The following TPH2 variants were observed in gnomAD, a reference collection of about 807,000 sequenced individuals.
TPH2 encodes tryptophan 5-hydroxylase 2.
A neutral mutation model predicts 59.1 loss-of-function variants in TPH2; 27 were observed. That is an observed-to-expected ratio of 0.46 (90% CI 0.34 to 0.63). The LOEUF (loss-of-function observed/expected upper bound fraction) is 0.63, where lower values mean the gene tolerates loss of function less well. Ranked by LOEUF, TPH2 falls within the 30% of genes least tolerant of loss-of-function variation. The probability of loss-of-function intolerance (pLI) is 0.01; values close to 1 mark genes in which losing one functional copy is unlikely to be tolerated. For missense variants in TPH2, 523 were observed against 588.3 expected (o/e 0.89, Z 1.15); for synonymous variants, 220 against 210.5 (o/e 1.05, Z -0.39).
rs980204425 is a variant in TPH2 at position 72,029,385 on chromosome 12, A to G, written c.1165-1873A>G. 2.0e-5 allele frequency among the ~76,000 whole-genome samples: 3 copies of G among 152,208 alleles called. No individual in the cohort carries two copies. The South Asian group carries it at 6.2e-4, about 31-fold the overall frequency. ...ACTGATGGATGAATGGACTGTTAGA[A>G]CAACGTAGTACATTAAATGTAACCA... On this transcript the variant is annotated intron_variant, in intron 9 of 10. Transcript: ENST00000333850.
intron 9 of TPH2, 76 bp from the exon 10 acceptor site, chr12:72,031,182 G>C: frequency 1.3e-6 from 2 of 1,586,946 alleles, no homozygotes; most frequent in East Asian, 2.2e-5. Flanking sequence ...TATCAAATGT[G>C]TTGTAAAAAT....
intron 5 of TPH2, among the ~76,000 whole-genome samples, chr12:71,957,323 A>C (rs1463665075): frequency 6.7e-6 from 1 of 149,256 alleles, no homozygotes; most frequent in East Asian, 2.0e-4. Context: ...AAAATGAGTA[A>C]AGGATTTTTT....
intron 8 of TPH2, among the ~76,000 whole-genome samples, chr12:71,998,647 A>T (rs918284711): frequency 1.3e-5 from 2 of 152,194 alleles, no homozygotes; most frequent in Non-Finnish European, 2.9e-5. Context: ...AGAAACAAAA[A>T]TATTAAGAGC....
At position 71,949,667 on chromosome 12, in the gene TPH2, T is replaced by C. The variant is rs1267768391; in HGVS notation, c.608+12T>C. 4 of 1,606,574 alleles carry C rather than the reference T, an allele frequency of 2.5e-6. No individual in the cohort carries two copies. In the African/African-American group the frequency reaches 5.3e-5, roughly 21 times the overall value. ...ATGGGTTATAAATAGTAAGTACCTG[T>C]ATAACTCTTTCTTGTCACTGGCTAG... is the stretch of plus-strand genomic sequence containing the variant. On this transcript the variant is annotated intron_variant, in intron 5 of 10. Transcript: ENST00000333850.
chr12:72,019,271 C>A (rs1873346760), intron 8 of TPH2, among the ~76,000 whole-genome samples: 1 of 152,198 alleles, frequency 6.6e-6, no homozygotes, highest in Non-Finnish European at 1.5e-5. Context: ...TGTTTCCACT[C>A]ACTTTTGCTC....
intron 8 of TPH2, among the ~76,000 whole-genome samples, chr12:72,007,114 G>A (rs1445914612): frequency 1.3e-5 from 2 of 152,074 alleles, no homozygotes; most frequent in African/African-American, 4.8e-5. Flanking sequence ...TTACAAAATG[G>A]TTTTAGATGG....
At chr12:71,961,416 A>G in intron 5 of TPH2, 1 of 672,296 alleles carries the variant, frequency 1.5e-6, no homozygotes, top group South Asian at 1.9e-5. Flanking sequence ...GAGCTGTAGG[A>G]TAATCACGCT....
intron 5 of TPH2, 87 bp downstream of exon 5, chr12:71,949,742 A>C (rs1470980036): frequency 8.4e-7 from 1 of 1,196,028 alleles, no homozygotes; most frequent in African/African-American, 1.5e-5. Context: ...TCTTCACTTT[A>C]ACTTTTGCAG....
rs150231505 is a variant in TPH2, at chr12:71,952,355, A to G, written c.608+2700A>G. ...CTGGGGCATTCCAGGATCTGGTCCC[A>G]GTTTGGAGGGCTGGGAAGTGCTAAG... is the stretch of plus-strand genomic sequence containing the variant. On this transcript the variant is annotated intron_variant, in intron 5 of 10. Coordinates refer to ENST00000333850, the MANE Select transcript of TPH2 (RefSeq NM_173353.4). Among the ~76,000 whole-genome samples, 134 of 152,260 alleles carry G rather than the reference A, an allele frequency of 8.8e-4. 4 individuals are homozygous for G. In the East Asian group the frequency reaches 0.014, roughly 16 times the overall value.
chr12:71,979,243 G>A (rs1053722917), intron 7 of TPH2, among the ~76,000 whole-genome samples, 156 bp downstream of exon 7: 3 of 152,196 alleles, frequency 2.0e-5, no homozygotes, highest in African/African-American at 7.2e-5. Flanking sequence ...GCTCACTGAA[G>A]GATCAGACTC....
rs749142119 is a variant in TPH2, at chr12:71,972,720, G to C, written c.805+5G>C. 6.2e-7 allele frequency: 1 copy of C among 1,613,034 alleles called. No homozygotes were observed. The highest frequency in any genetic ancestry group is 8.5e-7 in the Non-Finnish European group (1 of 1,179,868). ...ATGTCTCCATGTTTCTGAAAGGTAA[G>C]ATTTCACACAGGCTGTCTCTTATTA... is the stretch of plus-strand genomic sequence containing the variant. On this transcript the variant is annotated splice_donor_5th_base_variant and intron_variant, in intron 6 of 10. Transcript: ENST00000333850.
intron 8 of TPH2, among the ~76,000 whole-genome samples, chr12:72,016,261 T>C (rs1873251173): frequency 6.6e-6 from 1 of 152,210 alleles, no homozygotes; most frequent in African/African-American, 2.4e-5. Context: ...TTCATATTTC[T>C]ATATAATTGA....
At chr12:71,967,180 T>C (rs1871840695) in intron 5 of TPH2, among the ~76,000 whole-genome samples, 1 of 152,226 alleles carries the variant, frequency 6.6e-6, no homozygotes, top group Non-Finnish European at 1.5e-5. Context: ...ACAAAATAAC[T>C]GTATCTATAC....
intron 1 of TPH2, among the ~76,000 whole-genome samples, chr12:71,940,346 C>T (rs564722680): frequency 9.7e-4 from 148 of 152,150 alleles, no homozygotes; most frequent in African/African-American, 3.3e-3. Context: ...TCTTCCCTCC[C>T]TCAAGTCATA....
At chr12:72,009,794 A>T (rs998664972) in intron 8 of TPH2, among the ~76,000 whole-genome samples, 1 of 152,236 alleles carries the variant, frequency 6.6e-6, no homozygotes, top group Non-Finnish European at 1.5e-5. Context: ...TTTCTGGCAC[A>T]CACCAAGCTC....
chr12:71,965,702 T>C (rs1871799209), intron 5 of TPH2, among the ~76,000 whole-genome samples: 1 of 152,388 alleles, frequency 6.6e-6, no homozygotes, highest in Non-Finnish European at 1.5e-5. Context: ...TTATAGATGC[T>C]GGATATTAGA....
intron 9 of TPH2, among the ~76,000 whole-genome samples, chr12:72,025,876 C>G (rs1410850875): frequency 6.6e-6 from 1 of 152,106 alleles, no homozygotes; most frequent in Non-Finnish European, 1.5e-5. Flanking sequence ...ATATGTCTAT[C>G]GTTTTTTTGA....
At chr12:71,970,099 A>G (rs773410913) in intron 5 of TPH2, among the ~76,000 whole-genome samples, 1 of 152,240 alleles carries the variant, frequency 6.6e-6, no homozygotes, top group Non-Finnish European at 1.5e-5. Context: ...AACAGAAACG[A>G]AGTAGATAAA....
At position 71,968,154 on chromosome 12, in the gene TPH2, G is replaced by A. The variant is rs149946486; in HGVS notation, c.609-4365G>A. Among the ~76,000 whole-genome samples the A allele has an allele frequency of 3.3e-3, 502 of 152,290 alleles. 1 individual carries two copies. The highest frequency in any genetic ancestry group is 0.012 in the African/African-American group (487 of 41,560). On this transcript the variant is annotated intron_variant, in intron 5 of 10. Transcript: ENST00000333850. ...TCTGACAAATCCCTTTCGATAGAGT[G>A]TTCTCTGCTGAAATGGTGTTAGGCA...
Sources: gnomAD v4.1 joint callset for allele counts (sites outside exome capture counted in the v4.1 genomes callset) on GRCh38, gnomAD v4.1.1 for gene constraint, MANE v1.5 for transcripts, NCBI Gene and HGNC (gene_info 2026-07-23, HGNC 2026-07-21) for gene names.